Variants in MMP16 observed in about 807,000 individuals in gnomAD.
MMP16 encodes the protein matrix metalloproteinase-16.
A neutral mutation model predicts 67.8 loss-of-function variants in MMP16; 12 were observed. The observed-to-expected ratio is 0.18, with a 90% CI of 0.11 to 0.29. The LOEUF (loss-of-function observed/expected upper bound fraction) is 0.29. Ranked by LOEUF, MMP16 falls within the 10% of genes least tolerant of loss-of-function variation. The pLI is 1.00. For synonymous variants in MMP16, 249 were observed against 255.9 expected (o/e 0.97, Z 0.26); for missense variants, 475 against 765.7 (o/e 0.62, Z 4.48).
intron 1 of MMP16, among the ~76,000 whole-genome samples, chr8:88,233,492 C>T (rs1422596066): frequency 6.6e-6 from 1 of 152,200 alleles, no homozygotes; most frequent in Non-Finnish European, 1.5e-5. Flanking sequence ...AAATGCTCTT[C>T]TCATCAGTTC....
At chr8:88,265,504 A>C (rs1184365538) in intron 1 of MMP16, among the ~76,000 whole-genome samples, 1 of 152,156 alleles carries the variant, frequency 6.6e-6, no homozygotes, top group Non-Finnish European at 1.5e-5. Context: ...ATGAAGCTGT[A>C]AGTACTATGA....
In MMP16 at chr8:88,327,315, G is replaced by A; in HGVS notation, c.-109C>T. The A allele has an allele frequency of 1.4e-6, 2 of 1,459,726 alleles. No individual in the cohort carries two copies. The highest frequency in any genetic ancestry group is 9.4e-7 in the Non-Finnish European group (1 of 1,065,786). The allele number at this position is 1,459,726 out of a possible 1,614,324, so 90.4% of individuals were successfully genotyped here. A position where few individuals can be genotyped will look rare whatever the true frequency, so the allele number is the denominator to read the frequency against. On this transcript the variant is annotated 5_prime_UTR_variant, in exon 1 of 10. Transcript: ENST00000286614. ...AAAAAAAGTCCTCCGGGTGGGTAAG[G>A]AGCCTGCAGGTTCACCCACAGCCGG...
intron 1 of MMP16, among the ~76,000 whole-genome samples, chr8:88,255,276 C>T (rs1810283846): frequency 6.6e-6 from 1 of 152,134 alleles, no homozygotes. Flanking sequence ...TCCTCTTTCA[C>T]CATGTAATAC....
In MMP16 at chr8:88,037,125, A is replaced by G. The variant is rs1808065321; in HGVS notation, c.*4336T>C. 1 of 150,126 alleles carries G rather than the reference A, an allele frequency of 6.7e-6. No homozygotes were observed. The highest frequency in any genetic ancestry group is 2.4e-5 in the African/African-American group (1 of 40,842). 9.3% of individuals were successfully genotyped at this position (150,126 alleles called of 1,614,324 possible). ...TGGGCGTGTATGTGTACCATACTAG[A>G]TATATTAGCATAACATGTAGAACTT... On this transcript the variant is annotated 3_prime_UTR_variant, in exon 10 of 10. Transcript: ENST00000286614.
At chr8:88,286,863 G>A (rs772191597) in intron 1 of MMP16, among the ~76,000 whole-genome samples, 26 of 152,052 alleles carry the variant, frequency 1.7e-4, no homozygotes, top group Non-Finnish European at 3.1e-4. Context: ...GAGCCACCAC[G>A]CCCGGCCTGG....
intron 3 of MMP16, 60 bp downstream of exon 3, chr8:88,186,416 G>C (rs976367025): frequency 1.2e-6 from 2 of 1,600,452 alleles, no homozygotes; most frequent in East Asian, 4.5e-5. Flanking sequence ...TAAACTATGT[G>C]TCAAAACAAA....
At chr8:88,249,487 T>C (rs1038816990) in intron 1 of MMP16, among the ~76,000 whole-genome samples, 11 of 152,096 alleles carry the variant, frequency 7.2e-5, no homozygotes, top group East Asian at 1.9e-4. Context: ...CCTAAGGGAA[T>C]AGATGCATCT....
At chr8:88,296,160 G>A (rs372682098) in intron 1 of MMP16, among the ~76,000 whole-genome samples, 1 of 151,842 alleles carries the variant, frequency 6.6e-6, no homozygotes, top group Non-Finnish European at 1.5e-5. Context: ...ACGATTATTC[G>A]CCAGCTTCTA....
At position 88,051,248 on chromosome 8, in the gene MMP16, T is replaced by C. The variant is rs111647601; in HGVS notation, c.1374-4464A>G. ...TGTCAACATGAACAAAAAAATCTCA[T>C]CCCACTGAGTTCTTCCCCCTGAAAA... On this transcript the variant is annotated intron_variant, in intron 8 of 9. Transcript: ENST00000286614. Among the ~76,000 whole-genome samples the C allele has an allele frequency of 4.7e-3, 714 of 152,254 alleles. 7 individuals are homozygous for C. The highest frequency in any genetic ancestry group is 0.017 in the African/African-American group (686 of 41,552).
At chr8:88,087,320 G>A (rs1036030022) in intron 6 of MMP16, among the ~76,000 whole-genome samples, 3 of 151,798 alleles carry the variant, frequency 2.0e-5, no homozygotes, top group African/African-American at 7.3e-5. Context: ...CACCTCCTCT[G>A]GGGATACTTA....
At chr8:88,314,342 T>C (rs1811345289) in intron 1 of MMP16, among the ~76,000 whole-genome samples, 1 of 152,230 alleles carries the variant, frequency 6.6e-6, no homozygotes, top group Admixed American at 6.5e-5. Context: ...GTGCTATTTT[T>C]GAATCAATTT....
chr8:88,244,329 T>G (rs1041960859), intron 1 of MMP16, among the ~76,000 whole-genome samples: 1 of 152,230 alleles, frequency 6.6e-6, no homozygotes, highest in Non-Finnish European at 1.5e-5. Context: ...TTGCATTACC[T>G]GCAGAATCTT....
chr8:88,172,576 T>C (rs9656887), intron 3 of MMP16, among the ~76,000 whole-genome samples: 56,063 of 152,004 alleles, frequency 0.37, 11,449 homozygotes, highest in East Asian at 0.49. Flanking sequence ...TGATTAAATA[T>C]ATTTGCAGAA....
chr8:88,053,068 A>G (rs578126697), intron 8 of MMP16, among the ~76,000 whole-genome samples: 21 of 152,320 alleles, frequency 1.4e-4, no homozygotes, highest in Admixed American at 5.9e-4. Context: ...GTGCTTCAAA[A>G]TGCATTTTTG....
intron 6 of MMP16, among the ~76,000 whole-genome samples, chr8:88,087,884 C>T (rs1203674450): frequency 6.6e-6 from 1 of 151,284 alleles, no homozygotes; most frequent in Non-Finnish European, 1.5e-5. Flanking sequence ...GTTGAGGCTG[C>T]AGTGAGCCGT....
intron 1 of MMP16, among the ~76,000 whole-genome samples, chr8:88,252,569 C>G (rs1007638616): frequency 6.8e-6 from 1 of 146,830 alleles, no homozygotes; most frequent in African/African-American, 2.5e-5. Context: ...TAAAAAAAAT[C>G]AAGATCCAGA....
At chr8:88,130,354 C>T (rs1808007408) in intron 4 of MMP16, among the ~76,000 whole-genome samples, 1 of 151,714 alleles carries the variant, frequency 6.6e-6, no homozygotes, top group Non-Finnish European at 1.5e-5. Flanking sequence ...AAACATATTT[C>T]AGCATCTTGC....
At chr8:88,101,616 A>G (rs1414931061) in intron 6 of MMP16, among the ~76,000 whole-genome samples, 1 of 151,858 alleles carries the variant, frequency 6.6e-6, no homozygotes, top group Non-Finnish European at 1.5e-5. Context: ...CCGCAGCCCA[A>G]AGAATGCAGA....
At chr8:88,113,904 A>G (rs1809384259) in intron 6 of MMP16, among the ~76,000 whole-genome samples, 2 of 152,014 alleles carry the variant, frequency 1.3e-5, no homozygotes, top group Non-Finnish European at 2.9e-5. Flanking sequence ...TTGAATACTT[A>G]CCATTTCAAA....
Sources: gnomAD v4.1 joint callset for allele counts (sites outside exome capture counted in the v4.1 genomes callset) on GRCh38, gnomAD v4.1.1 for gene constraint, MANE v1.5 for transcripts, NCBI Gene and HGNC (gene_info 2026-07-23, HGNC 2026-07-21) for gene names.